Variants in DAB1 observed in about 807,000 individuals in gnomAD.
DAB1 encodes the protein disabled homolog 1.
In DAB1, 15 loss-of-function variants were observed where a neutral mutation model predicts 64.6. The observed-to-expected ratio is 0.23, with a 90% confidence interval of 0.16 to 0.36. DAB1 has a LOEUF of 0.36. Ranked by LOEUF, DAB1 falls within the 10% of genes least tolerant of loss-of-function variation. DAB1 has a pLI of 1.00. For synonymous variants in DAB1, 235 were observed against 251.9 expected (o/e 0.93, Z 0.64); for missense variants, 596 against 706.7 (o/e 0.84, Z 1.78).
intron 7 of DAB1, among the ~76,000 whole-genome samples, chr1:57,491,710 C>T (rs1441572921): frequency 2.0e-5 from 3 of 152,118 alleles, no homozygotes; most frequent in African/African-American, 7.2e-5. Context: ...TTGGCAATGC[C>T]GTGTTTCCAT....
At chr1:57,924,862 A>G (rs1644857572) in intron 5 of DAB1, among the ~76,000 whole-genome samples, 1 of 152,012 alleles carries the variant, frequency 6.6e-6, no homozygotes. Flanking sequence ...TAAGGTTTTA[A>G]AAAAAAGTTA....
At chr1:58,124,122 C>T (rs1336870912) in intron 5 of DAB1, among the ~76,000 whole-genome samples, 2 of 151,748 alleles carry the variant, frequency 1.3e-5, no homozygotes, top group Non-Finnish European at 2.9e-5. Flanking sequence ...CTGGTATCAT[C>T]CTGTAGCAGT....
At chr1:57,635,806 G>T (rs1646045505) in intron 7 of DAB1, among the ~76,000 whole-genome samples, 1 of 152,024 alleles carries the variant, frequency 6.6e-6, no homozygotes, top group South Asian at 2.1e-4. Context: ...AATAAAACTG[G>T]TGTCCTTGGC....
In DAB1 at chr1:58,119,177, A is replaced by T. The variant is rs1048432858; in HGVS notation, n.387+31334T>A. Among the ~76,000 whole-genome samples the T allele has an allele frequency of 2.0e-5, 3 of 151,968 alleles. No individual in the cohort carries two copies. In the East Asian group the frequency reaches 5.8e-4, roughly 29 times the overall value. ...ATATTTATCTGCAATCTCTTGTCTG[A>T]ATTATAAAATCCAAAGAGCTCTGAA... On this transcript the variant is annotated intron_variant and non_coding_transcript_variant, in intron 5 of 20. Transcript: ENST00000485760.
chr1:58,425,656 A>C (rs148890125), intron 3 of DAB1, among the ~76,000 whole-genome samples: 1 of 152,312 alleles, frequency 6.6e-6, no homozygotes, highest in East Asian at 1.9e-4. Flanking sequence ...TAGTATTTTA[A>C]GGATAAGCAG....
intron 5 of DAB1, among the ~76,000 whole-genome samples, chr1:57,962,173 T>C (rs1645540283): frequency 6.6e-6 from 1 of 152,114 alleles, no homozygotes; most frequent in Non-Finnish European, 1.5e-5. Flanking sequence ...TCACTAGGTC[T>C]CGACTTGCTC....
chr1:57,393,173 C>G (rs1344550751), intron 1 of DAB1, among the ~76,000 whole-genome samples: 2 of 152,026 alleles, frequency 1.3e-5, no homozygotes, highest in African/African-American at 4.8e-5. Flanking sequence ...GCCTTGGTTT[C>G]TTATGAAAAA....
chr1:58,510,141 C>G (rs954241600), intron 2 of DAB1, among the ~76,000 whole-genome samples: 2 of 135,738 alleles, frequency 1.5e-5, no homozygotes, highest in Admixed American at 1.4e-4. Flanking sequence ...TTTTATGAGG[C>G]CAGCCATTAC....
At chr1:58,164,496 T>G (rs1015160678) in intron 4 of DAB1, among the ~76,000 whole-genome samples, 4 of 152,190 alleles carry the variant, frequency 2.6e-5, no homozygotes, top group African/African-American at 9.6e-5. Flanking sequence ...TGCAAAGGCT[T>G]TTCCAGTCGG....
intron 5 of DAB1, among the ~76,000 whole-genome samples, chr1:57,889,805 C>T (rs1366886570): frequency 6.7e-6 from 1 of 150,374 alleles, no homozygotes; most frequent in Non-Finnish European, 1.5e-5. Flanking sequence ...TGGCTCCACC[C>T]CAACCTAGTG....
intron 3 of DAB1, among the ~76,000 whole-genome samples, chr1:58,382,704 G>A (rs1426418325): frequency 2.0e-5 from 3 of 152,222 alleles, no homozygotes; most frequent in African/African-American, 4.8e-5. Context: ...AAAGAGACAT[G>A]TAAATTTGGT....
At position 57,889,908 on chromosome 1, in the gene DAB1, G is replaced by GGC. The variant is rs1553139942; in HGVS notation, n.388-5747_388-5746insGC. 3.4e-4 allele frequency among the ~76,000 whole-genome samples: 31 copies of GGC among 90,452 alleles called. 1 individual carries two copies. Among genetic ancestry groups the GGC allele is most frequent in the Admixed American group, 5.2e-4 (4 of 7,676 alleles). The allele number at this position is 90,452 out of a possible 152,430, so 59.3% of individuals were successfully genotyped here. ...GTAGCACAAACTGGGGCGGGGGGGGGGGAGGGGGAAGAAATCACTGGAGTA... is the reference window on the plus strand; with the variant it reads ...GTAGCACAAACTGGGGCGGGGGGGGGGCGGAGGGGGAAGAAATCACTGGAGTA... On this transcript the variant is annotated intron_variant and non_coding_transcript_variant, in intron 5 of 20. Transcript: ENST00000485760.
chr1:58,094,098 C>A (rs1435740850), intron 5 of DAB1, among the ~76,000 whole-genome samples: 2 of 152,330 alleles, frequency 1.3e-5, no homozygotes, highest in South Asian at 2.1e-4. Flanking sequence ...TGGCTAGACC[C>A]TCTACTGGAT....
At chr1:57,190,387 C>T (rs994805286) in intron 2 of DAB1, among the ~76,000 whole-genome samples, 3 of 152,082 alleles carry the variant, frequency 2.0e-5, no homozygotes, top group African/African-American at 7.2e-5. Flanking sequence ...TGAAAGCAGG[C>T]TTTATAAACC....
intron 2 of DAB1, among the ~76,000 whole-genome samples, chr1:57,202,414 C>T (rs1330550561): frequency 6.6e-6 from 1 of 152,146 alleles, no homozygotes; most frequent in Non-Finnish European, 1.5e-5. Flanking sequence ...ACATTGGAAT[C>T]TGGCAGTTCC....
intron 4 of DAB1, among the ~76,000 whole-genome samples, chr1:58,268,380 T>TA (rs1272594073): frequency 9.2e-5 from 14 of 152,240 alleles, no homozygotes; most frequent in Admixed American, 6.5e-5. Context: ...ATATAATTAT[T>TA]AAAAACTGAG....
intron 3 of DAB1, chr1:58,474,027 C>A: frequency 1.2e-6 from 1 of 865,694 alleles, no homozygotes; most frequent in South Asian, 1.4e-5. Flanking sequence ...AGTCAAACTT[C>A]TACTTCATGG....
At chr1:57,173,420 AT>A (rs1432129041) in intron 2 of DAB1, among the ~76,000 whole-genome samples, 5 of 152,186 alleles carry the variant, frequency 3.3e-5, no homozygotes, top group Non-Finnish European at 7.3e-5. Context: ...AAAATATGGT[AT>A]AATATTATCC....
At chr1:58,301,571 C>T (rs904789951) in intron 4 of DAB1, among the ~76,000 whole-genome samples, 1 of 152,034 alleles carries the variant, frequency 6.6e-6, no homozygotes, top group Non-Finnish European at 1.5e-5. Flanking sequence ...TCCAGTGCGG[C>T]CCAGGGAAGC....
Sources: allele counts gnomAD v4.1 joint callset (sites outside exome capture counted in the v4.1 genomes callset), GRCh38; gene constraint gnomAD v4.1.1; transcripts MANE v1.5; gene names NCBI Gene and HGNC (gene_info 2026-07-23, HGNC 2026-07-21).